TATDN3: variants seen among roughly 807,000 people sequenced by gnomAD.
TATDN3 encodes the protein TatD DNase domain containing 3, also known as deoxyribonuclease TATDN3.
Under a neutral mutation model 40.1 loss-of-function variants are expected in TATDN3, and 29 were observed. The ratio of observed to expected loss-of-function variants is 0.72; its 90% CI spans 0.54 to 0.99. The LOEUF is 0.99. TATDN3 is among the 50% of genes least tolerant of loss of function. The probability of loss-of-function intolerance (pLI) is 0.00; values close to 1 mark genes in which losing one functional copy is unlikely to be tolerated. For missense variants in TATDN3, 309 were observed against 321.9 expected (o/e 0.96, Z 0.31); for synonymous variants, 105 against 117.0 (o/e 0.90, Z 0.66).
Position 212,815,121 on chromosome 1 carries a change from CTG to C in TATDN3, c.792_793del (p.Phe265SerfsTer2), listed in dbSNP as rs1663115458. The C allele has an allele frequency of 6.2e-7, 1 of 1,613,496 alleles. No individual in the cohort carries two copies. Among genetic ancestry groups the C allele is most frequent in the African/African-American group, 1.3e-5 (1 of 74,892 alleles). ...IEVTTQNALK[L>X]FPKLRHLLQK Reference sequence around the variant, plus strand: ...AGTGACGACACAGAATGCATTAAAACTGTTTCCTAAGCTCCGACACTTGCTCC... The same window carrying C: ...AGTGACGACACAGAATGCATTAAAACTTTCCTAAGCTCCGACACTTGCTCC... On this transcript the variant is annotated frameshift_variant, in exon 10 of 10. Coordinates refer to ENST00000366974, the MANE Select transcript of TATDN3 (RefSeq NM_001042552.3). LOFTEE classifies it high-confidence loss of function.
chr1:212,812,146 T>G, intron 8 of TATDN3, 102 bp from the exon 9 acceptor site: 1 of 752,982 alleles, frequency 1.3e-6, no homozygotes, highest in Non-Finnish European at 2.1e-6. Flanking sequence ...AGCATAAATT[T>G]TAAGTTATTG....
rs1027989186 is a variant in TATDN3, at chr1:212,816,105, T to C, written c.*949T>C. ...AGTTCTGGTCTGAATTTTGTCAACATATTTAGAATGTAAATGGCATTATTA... is the reference window on the plus strand; with the variant it reads ...AGTTCTGGTCTGAATTTTGTCAACACATTTAGAATGTAAATGGCATTATTA... On this transcript the variant is annotated 3_prime_UTR_variant, in exon 10 of 10. Coordinates refer to ENST00000366974, the MANE Select transcript of TATDN3 (RefSeq NM_001042552.3). The C allele has an allele frequency of 5.3e-5, 8 of 152,218 alleles. No individual in the cohort carries two copies. The highest frequency in any genetic ancestry group is 2.0e-4 in the Admixed American group (3 of 15,270). 9.4% of individuals were successfully genotyped at this position (152,218 alleles called of 1,614,324 possible).
chr1:212,792,303 G>A (rs1661361917), intron 1 of TATDN3, among the ~76,000 whole-genome samples: 1 of 152,118 alleles, frequency 6.6e-6, no homozygotes. Flanking sequence ...TGGCTGAGAT[G>A]CCACTCTTTG....
intron 4 of TATDN3, among the ~76,000 whole-genome samples, chr1:212,799,871 G>A (rs1057043431): frequency 6.6e-6 from 1 of 152,134 alleles, no homozygotes; most frequent in Non-Finnish European, 1.5e-5. Context: ...AAGCAGATAT[G>A]AACTTATCAA....
chr1:212,799,297 A>G (rs1486437058), intron 4 of TATDN3, among the ~76,000 whole-genome samples: 1 of 152,204 alleles, frequency 6.6e-6, no homozygotes, highest in East Asian at 1.9e-4. Flanking sequence ...GCTCTGGCCA[A>G]AATGAGTTTG....
intron 5 of TATDN3, among the ~76,000 whole-genome samples, chr1:212,804,047 CA>C (rs575801754): frequency 1.3e-5 from 2 of 148,656 alleles, no homozygotes; most frequent in African/African-American, 2.5e-5. Flanking sequence ...ACAAAACAAA[CA>C]AAAAAAAAGG....
chr1:212,804,674 T>C (rs779927564), intron 7 of TATDN3, 23 bp downstream of exon 7: 4 of 1,601,706 alleles, frequency 2.5e-6, no homozygotes, highest in African/African-American at 2.7e-5. Flanking sequence ...CTGAGAAAAA[T>C]AGGCCTAATG....
At chr1:212,811,560 G>A (rs887955358) in intron 8 of TATDN3, among the ~76,000 whole-genome samples, 4 of 151,708 alleles carry the variant, frequency 2.6e-5, no homozygotes, top group African/African-American at 9.7e-5. Flanking sequence ...TACCACAACC[G>A]GCCTATCAGT....
intron 4 of TATDN3, among the ~76,000 whole-genome samples, chr1:212,799,783 C>G (rs1408329846): frequency 6.6e-6 from 1 of 152,188 alleles, no homozygotes; most frequent in Non-Finnish European, 1.5e-5. Context: ...AAGTGATCCA[C>G]CTGCCTTGGC....
intron 9 of TATDN3, among the ~76,000 whole-genome samples, chr1:212,813,976 A>T (rs28623693): frequency 2.0e-5 from 1 of 50,094 alleles, no homozygotes; most frequent in South Asian, 5.8e-4. Flanking sequence ...CTGTATATAT[A>T]TTTTTTTTGT....
intron 8 of TATDN3, among the ~76,000 whole-genome samples, chr1:212,810,221 G>A (rs1479100390): frequency 1.3e-5 from 2 of 151,318 alleles, no homozygotes; most frequent in African/African-American, 4.9e-5. Context: ...AAAATTAGCC[G>A]AGTGAAGGCA....
intron 4 of TATDN3, 43 bp downstream of exon 4, chr1:212,797,239 G>A (rs374367625): frequency 6.8e-5 from 99 of 1,455,366 alleles, no homozygotes; most frequent in Non-Finnish European, 8.9e-5. Flanking sequence ...ACAAACAAAC[G>A]AAAGAATTAT....
chr1:212,804,674 T>G (rs779927564), intron 7 of TATDN3, 23 bp downstream of exon 7: 2 of 1,601,706 alleles, frequency 1.2e-6, no homozygotes, highest in East Asian at 2.2e-5. Context: ...CTGAGAAAAA[T>G]AGGCCTAATG....
rs916938232 is a variant in TATDN3 at position 212,798,063 on chromosome 1, G to A, written c.258+867G>A. Among the ~76,000 whole-genome samples, 9 of 151,778 alleles carry A rather than the reference G, an allele frequency of 5.9e-5. No individual in the cohort carries two copies. In the South Asian group the frequency reaches 8.3e-4, roughly 14 times the overall value. ...TAATGTAGGCTGGACACAGTGGCTC[G>A]TGCCTGTAATCCCAGCACTTTGGTA... On this transcript the variant is annotated intron_variant, in intron 4 of 9. Coordinates refer to ENST00000366974, the MANE Select transcript of TATDN3 (RefSeq NM_001042552.3).
intron 1 of TATDN3, among the ~76,000 whole-genome samples, chr1:212,793,770 G>A (rs1661522450): frequency 6.6e-6 from 1 of 152,212 alleles, no homozygotes; most frequent in Non-Finnish European, 1.5e-5. Flanking sequence ...CAGATTATTA[G>A]CTTGTGCTAT....
rs764946750 is a variant in TATDN3 at position 212,812,271 on chromosome 1, G to A, written c.624G>A (p.Leu208=). Reference sequence around the variant, plus strand: ...AGAAGCAGAAACTTGTGAAACAATTGCCTTTAACTTCTATATGCTTAGAAA... The same window carrying A: ...AGAAGCAGAAACTTGTGAAACAATTACCTTTAACTTCTATATGCTTAGAAA... The part of the protein sequence containing the change: ...SGQKQKLVKQ[L]PLTSICLETD... The change falls in exon 9 of 10, where the codon TTG becomes TTA. Residue 208 remains leucine, a synonymous_variant. Transcript: ENST00000366974. 2.0e-5 allele frequency: 32 copies of A among 1,580,324 alleles called. No individual in the cohort carries two copies. Among genetic ancestry groups the A allele is most frequent in the African/African-American group, 1.5e-4 (11 of 72,474 alleles).
chr1:212,815,418 CT>C lies in TATDN3; in HGVS notation c.*266del. 2.9e-6 allele frequency: 1 copy of C among 340,908 alleles called. No homozygotes were observed. The highest frequency in any genetic ancestry group is 5.3e-6 in the Non-Finnish European group (1 of 187,872). 21.1% of individuals were successfully genotyped at this position (340,908 alleles called of 1,614,324 possible). ...AAATACTGCTACTTCTTACATTGCC[CT>C]TTTATATAGAACCACCACCTGAACT... is the stretch of plus-strand genomic sequence containing the variant. On this transcript the variant is annotated 3_prime_UTR_variant, in exon 10 of 10. Transcript: ENST00000366974.
intron 9 of TATDN3, among the ~76,000 whole-genome samples, chr1:212,812,914 G>A (rs1662975013): frequency 6.6e-6 from 1 of 152,124 alleles, no homozygotes; most frequent in Non-Finnish European, 1.5e-5. Context: ...GGCTGAGGCA[G>A]GAGAATCGCT....
At chr1:212,808,872 T>G (rs1351983031) in intron 8 of TATDN3, among the ~76,000 whole-genome samples, 2 of 152,180 alleles carry the variant, frequency 1.3e-5, no homozygotes, top group East Asian at 1.9e-4. Context: ...TTAAAACATA[T>G]GTCCACACAA....
Sources: gnomAD v4.1 joint callset for allele counts (sites outside exome capture counted in the v4.1 genomes callset) on GRCh38, gnomAD v4.1.1 for gene constraint, MANE v1.5 for transcripts, NCBI Gene and HGNC (gene_info 2026-07-23, HGNC 2026-07-21) for gene names.